Variants in AIF1L observed in about 807,000 individuals in gnomAD.
AIF1L encodes the protein allograft inflammatory factor 1-like.
In AIF1L, 12 loss-of-function variants were observed where a neutral mutation model predicts 20.7. The ratio of observed to expected loss-of-function variants is 0.58; its 90% CI spans 0.37 to 0.94. AIF1L has a LOEUF of 0.94. Among genes scored for constraint, AIF1L ranks in the 40% least tolerant of loss-of-function variants. The pLI, the probability that AIF1L is intolerant of heterozygous loss-of-function variation, is 0.01. For missense variants in AIF1L, 173 were observed against 185.3 expected, an observed-to-expected ratio of 0.93 and a Z score of 0.39; for synonymous variants, 76 against 65.1, an observed-to-expected ratio of 1.17 and a Z score of -0.81.
intron 2 of AIF1L, among the ~76,000 whole-genome samples, chr9:131,100,164 C>G (rs1830606377): frequency 6.6e-6 from 1 of 152,176 alleles, no homozygotes; most frequent in Admixed American, 6.5e-5. Context: ...ATCTCATCCT[C>G]TCAAGTAGCT....
rs1319600311 is a variant in AIF1L at position 131,096,837 on chromosome 9, G to C, written c.67G>C (p.Glu23Gln). Reference protein sequence around the residue: ...KAFGLLKARQERRLAEINREF... With the variant: ...KAFGLLKARQQRRLAEINREF... Reference sequence around the variant, plus strand: ...GTTCGGCTTGCTCAAAGCCCGGCAGGAGAGGAGGCTGGCCGAGATCAACCG... The same window carrying C: ...GTTCGGCTTGCTCAAAGCCCGGCAGCAGAGGAGGCTGGCCGAGATCAACCG... Residue 23 changes from glutamate (E) to glutamine (Q), a missense_variant, in exon 2 of 6, where the codon GAG (glutamate) becomes CAG (glutamine). Transcript: ENST00000247291. 9.1e-6 allele frequency: 14 copies of C among 1,538,896 alleles called. No individual in the cohort carries two copies. Among genetic ancestry groups the C allele is most frequent in the Non-Finnish European group, 2.6e-6 (3 of 1,143,398 alleles).
At position 131,096,639 on chromosome 9, in the gene AIF1L, G is replaced by A. The variant is rs573930023; in HGVS notation, c.10G>A (p.Glu4Lys). The A allele has an allele frequency of 4.4e-5, 66 of 1,484,742 alleles. No individual in the cohort carries two copies. The African/African-American group carries it at 8.5e-4, about 19-fold the overall frequency. The allele number at this position is 1,484,742 out of a possible 1,614,324, so 92.0% of individuals were successfully genotyped here. A position where few individuals can be genotyped will look rare whatever the true frequency, so the allele number is the denominator to read the frequency against. MSG[E>K]LSNRFQGGKA... Reference sequence around the variant, plus strand: ...GAGCCCCGCGCTCGCCATGTCGGGCGAGCTCAGCAACAGGTTCCAAGGTAG... The same window carrying A: ...GAGCCCCGCGCTCGCCATGTCGGGCAAGCTCAGCAACAGGTTCCAAGGTAG... The change falls in exon 1 of 6, where the codon GAG becomes AAG. Residue 4 changes from glutamate (E) to lysine (K), a missense_variant. By Grantham distance (56) the Glu-to-Lys change is moderately conservative. Coordinates refer to ENST00000247291, the MANE Select transcript of AIF1L (RefSeq NM_031426.4).
At position 131,120,773 on chromosome 9, in the gene AIF1L, G is replaced by A. The variant is rs142039195; in HGVS notation, c.*451G>A. 157 of 340,348 alleles carry A rather than the reference G, an allele frequency of 4.6e-4. No homozygotes were observed. The highest frequency in any genetic ancestry group is 3.5e-3 in the South Asian group (36 of 10,400). 21.1% of individuals were successfully genotyped at this position (340,348 alleles called of 1,614,324 possible). A position where few individuals can be genotyped will look rare whatever the true frequency, so the allele number is the denominator to read the frequency against. On this transcript the variant is annotated 3_prime_UTR_variant, in exon 6 of 6. Transcript: ENST00000247291. ...GGGACAAGGCTGCAGGGCCTCTTTC[G>A]GGTTTCCTTGGACAGTGCCATGGCT...
chr9:131,105,414 G>T (rs1027595494), intron 2 of AIF1L, among the ~76,000 whole-genome samples: 2 of 152,202 alleles, frequency 1.3e-5, no homozygotes, highest in African/African-American at 4.8e-5. Flanking sequence ...GCCCAGGCTG[G>T]AGTGCAGTGG....
intron 2 of AIF1L, chr9:131,106,285 T>C (rs1381560115): frequency 1.4e-6 from 2 of 1,431,928 alleles, no homozygotes; most frequent in Admixed American, 2.0e-5. Flanking sequence ...TTAACCTGAG[T>C]CTCAACTCCT....
intron 2 of AIF1L, among the ~76,000 whole-genome samples, chr9:131,109,395 C>T (rs567355337): frequency 2.3e-4 from 35 of 152,052 alleles, no homozygotes; most frequent in African/African-American, 8.0e-4. Flanking sequence ...CCCGTCTCTA[C>T]TAAAAATACA....
At chr9:131,099,678 C>T (rs1395838274) in intron 2 of AIF1L, among the ~76,000 whole-genome samples, 1 of 152,008 alleles carries the variant, frequency 6.6e-6, no homozygotes, top group Non-Finnish European at 1.5e-5. Flanking sequence ...GGGCCTTTCT[C>T]CTCCCTTGGT....
intron 4 of AIF1L, among the ~76,000 whole-genome samples, 173 bp from the exon 5 acceptor site, chr9:131,117,583 G>T (rs1831042319): frequency 6.6e-6 from 1 of 152,170 alleles, no homozygotes; most frequent in African/African-American, 2.4e-5. Context: ...CTAACCACTA[G>T]CCTATACGGC....
At chr9:131,117,976 G>A (rs935866466) in intron 5 of AIF1L, 58 bp downstream of exon 5, 2 of 1,511,046 alleles carry the variant, frequency 1.3e-6, no homozygotes, top group East Asian at 2.3e-5. Flanking sequence ...TGTGCAGAGA[G>A]GCCCCTGGCT....
intron 2 of AIF1L, among the ~76,000 whole-genome samples, chr9:131,103,417 T>C (rs1436007497): frequency 2.0e-5 from 3 of 152,204 alleles, no homozygotes; most frequent in Admixed American, 6.5e-5. Context: ...CACACCTGCC[T>C]CTCGATGTGG....
At chr9:131,100,656 C>T (rs1360633523) in intron 2 of AIF1L, among the ~76,000 whole-genome samples, 4 of 152,242 alleles carry the variant, frequency 2.6e-5, no homozygotes, top group Non-Finnish European at 5.9e-5. Flanking sequence ...GCACCTCCTA[C>T]TCCCCCTACA....
At chr9:131,117,350 AC>A in intron 4 of AIF1L, among the ~76,000 whole-genome samples, 1 of 152,184 alleles carries the variant, frequency 6.6e-6, no homozygotes. Context: ...CACCCAGCCC[AC>A]CCTAACTGCA....
In AIF1L at chr9:131,120,332, C is replaced by T. The variant is rs371757095; in HGVS notation, c.*10C>T. ...TGCTAGCCTGCCCTGAGGACCCCGC[C>T]TGGACTCCCCAGCCTTCCCACCCCA... On this transcript the variant is annotated 3_prime_UTR_variant, in exon 6 of 6. Transcript: ENST00000247291. 36 of 1,604,528 alleles carry T rather than the reference C, an allele frequency of 2.2e-5. No individual in the cohort carries two copies. The highest frequency in any genetic ancestry group is 3.0e-5 in the Non-Finnish European group (35 of 1,176,130).
At chr9:131,103,802 A>G (rs1830686832) in intron 2 of AIF1L, among the ~76,000 whole-genome samples, 1 of 152,210 alleles carries the variant, frequency 6.6e-6, no homozygotes, top group African/African-American at 2.4e-5. Context: ...CCAGAGCCAC[A>G]GAGCTAGTAT....
intron 4 of AIF1L, among the ~76,000 whole-genome samples, chr9:131,115,618 T>G (rs189184443): frequency 3.6e-4 from 55 of 152,058 alleles, no homozygotes; most frequent in African/African-American, 1.2e-3. Context: ...CTACTCCTCT[T>G]CCTCTGTCCT....
At chr9:131,106,847 G>C (rs1830762838) in intron 2 of AIF1L, among the ~76,000 whole-genome samples, 1 of 152,194 alleles carries the variant, frequency 6.6e-6, no homozygotes, top group African/African-American at 2.4e-5. Flanking sequence ...TGTGATGCCA[G>C]GAATTTGGGA....
chr9:131,105,834 CTTT>C (rs11316586), intron 2 of AIF1L, among the ~76,000 whole-genome samples: 101 of 139,118 alleles, frequency 7.3e-4, no homozygotes, highest in East Asian at 1.0e-3. Flanking sequence ...GTTGTTGTTG[CTTT>C]TTTTTTTTTT....
chr9:131,102,087 A>T, intron 2 of AIF1L, among the ~76,000 whole-genome samples: 1 of 151,400 alleles, frequency 6.6e-6, no homozygotes, highest in East Asian at 2.0e-4. Flanking sequence ...TAATTTTTGT[A>T]TTTTTAGTAG....
chr9:131,103,681 C>T (rs1372807504), intron 2 of AIF1L, among the ~76,000 whole-genome samples: 4 of 152,160 alleles, frequency 2.6e-5, no homozygotes, highest in Admixed American at 2.0e-4. Context: ...TTCCTTACAG[C>T]AACTCAGTGA....
Sources: allele counts gnomAD v4.1 joint callset (sites outside exome capture counted in the v4.1 genomes callset), GRCh38; gene constraint gnomAD v4.1.1; transcripts MANE v1.5; gene names NCBI Gene and HGNC (gene_info 2026-07-23, HGNC 2026-07-21).